Variants in DGKB observed in about 807,000 individuals in gnomAD.
The protein encoded by DGKB is diacylglycerol kinase beta.
In DGKB, 67 loss-of-function variants were observed where a neutral mutation model predicts 114.3. The observed-to-expected ratio is 0.59, with a 90% CI of 0.48 to 0.72. DGKB has a LOEUF of 0.72. Ranked by LOEUF, DGKB falls within the 30% of genes least tolerant of loss-of-function variation. The pLI is 0.00. For synonymous variants in DGKB, 398 were observed against 323.1 expected (o/e 1.23, Z -2.49); for missense variants, 907 against 975.2 (o/e 0.93, Z 0.93).
At chr7:14,754,371 C>T (rs1723223) in intron 3 of DGKB, among the ~76,000 whole-genome samples, 1 of 151,912 alleles carries the variant, frequency 6.6e-6, no homozygotes, top group Non-Finnish European at 1.5e-5. Flanking sequence ...AGAGGATTAA[C>T]AGAAATATAA....
At chr7:14,237,009 C>G (rs1299763557) in intron 23 of DGKB, among the ~76,000 whole-genome samples, 1 of 151,836 alleles carries the variant, frequency 6.6e-6, no homozygotes, top group Non-Finnish European at 1.5e-5. Context: ...TTAACCCTAG[C>G]AATCATTTTG....
intron 23 of DGKB, among the ~76,000 whole-genome samples, chr7:14,231,135 C>CTTTCTTTCTTTCTTTT (rs1562685243): frequency 1.3e-4 from 15 of 111,822 alleles, no homozygotes; most frequent in Non-Finnish European, 2.7e-4. Flanking sequence ...TTCTTTCTTT[C>CTTTCTTTCTTTCTTTT]TTTCTTTCTT....
chr7:14,748,212 A>T (rs577650117), intron 4 of DGKB, among the ~76,000 whole-genome samples: 2 of 152,200 alleles, frequency 1.3e-5, no homozygotes, highest in Admixed American at 1.3e-4. Flanking sequence ...GAACACACAA[A>T]ATTCCTTCCA....
chr7:14,556,648 T>C (rs1013840303), intron 20 of DGKB, among the ~76,000 whole-genome samples: 5 of 152,198 alleles, frequency 3.3e-5, no homozygotes, highest in Non-Finnish European at 7.3e-5. Context: ...AAACAAATAA[T>C]TGTAGTAATA....
chr7:14,360,592 T>A (rs1010777118), intron 21 of DGKB, among the ~76,000 whole-genome samples: 2 of 151,890 alleles, frequency 1.3e-5, no homozygotes, highest in African/African-American at 4.8e-5. Context: ...AGATTTCCCA[T>A]CCTGAATGAT....
intron 1 of DGKB, among the ~76,000 whole-genome samples, chr7:14,874,247 A>G (rs1852919448): frequency 6.6e-6 from 1 of 151,990 alleles, no homozygotes; most frequent in African/African-American, 2.4e-5. Context: ...TGCCTTTCTC[A>G]CTTTTCTTTA....
At chr7:14,962,742 G>T (rs577394305) in intron 1 of DGKB, among the ~76,000 whole-genome samples, 98 of 151,804 alleles carry the variant, frequency 6.5e-4, no homozygotes, top group African/African-American at 2.3e-3. Flanking sequence ...TTCTTACAAT[G>T]ATTTCAAGTG....
intron 17 of DGKB, among the ~76,000 whole-genome samples, chr7:14,606,678 G>C (rs1303207927): frequency 6.6e-6 from 1 of 151,472 alleles, no homozygotes; most frequent in Non-Finnish European, 1.5e-5. Flanking sequence ...CCCTCATGTT[G>C]ACAGAAAGAA....
chr7:14,258,544 C>T (rs1020013149), intron 23 of DGKB, among the ~76,000 whole-genome samples: 14 of 152,242 alleles, frequency 9.2e-5, no homozygotes, highest in South Asian at 4.1e-4. Flanking sequence ...AATCCAAGAA[C>T]ATTTAATCAG....
chr7:14,837,780 T>C (rs1366758162), intron 2 of DGKB, among the ~76,000 whole-genome samples: 1 of 152,322 alleles, frequency 6.6e-6, no homozygotes, highest in South Asian at 2.1e-4. Context: ...TTCAGGATGA[T>C]GTTTGTTTCC....
intron 1 of DGKB, among the ~76,000 whole-genome samples, chr7:14,858,636 G>C (rs184372108): frequency 6.6e-6 from 1 of 152,080 alleles, no homozygotes; most frequent in African/African-American, 2.4e-5. Flanking sequence ...GCAGAGCACC[G>C]TGAGGGATAT....
intron 20 of DGKB, among the ~76,000 whole-genome samples, chr7:14,534,569 A>G (rs1013542752): frequency 3.9e-5 from 6 of 152,108 alleles, no homozygotes; most frequent in Non-Finnish European, 8.8e-5. Context: ...GGACCCAACT[A>G]GATTCTCTCT....
chr7:14,878,931 C>T (rs1182488171), intron 1 of DGKB, among the ~76,000 whole-genome samples: 2 of 149,554 alleles, frequency 1.3e-5, no homozygotes, highest in Non-Finnish European at 2.9e-5. Flanking sequence ...GGCCATTCTA[C>T]TTCATATCAA....
intron 25 of DGKB, among the ~76,000 whole-genome samples, chr7:14,152,418 C>T (rs1258870736): frequency 6.6e-6 from 1 of 151,994 alleles, no homozygotes; most frequent in Non-Finnish European, 1.5e-5. Context: ...GGTGACGGGG[C>T]TCCTAGAAAC....
At chr7:14,511,186 C>A (rs1787927470) in intron 20 of DGKB, among the ~76,000 whole-genome samples, 1 of 152,172 alleles carries the variant, frequency 6.6e-6, no homozygotes, top group South Asian at 2.1e-4. Context: ...TTTTCTCTAG[C>A]CATGAAAGTC....
intron 22 of DGKB, among the ~76,000 whole-genome samples, chr7:14,344,902 G>C (rs960780061): frequency 6.6e-6 from 1 of 151,580 alleles, no homozygotes. Flanking sequence ...ATTCATAAAA[G>C]TAAGTACAAT....
intron 13 of DGKB, among the ~76,000 whole-genome samples, chr7:14,643,823 G>A (rs1048089095): frequency 6.6e-6 from 1 of 152,164 alleles, no homozygotes; most frequent in Non-Finnish European, 1.5e-5. Context: ...GCCCCAATGT[G>A]TGCCATCCAG....
intron 21 of DGKB, among the ~76,000 whole-genome samples, chr7:14,383,260 G>A (rs1192850620): frequency 1.3e-5 from 2 of 152,120 alleles, no homozygotes; most frequent in Non-Finnish European, 2.9e-5. Context: ...GGGGACTGAT[G>A]CCTGGTTATA....
intron 2 of DGKB, among the ~76,000 whole-genome samples, chr7:14,826,086 A>T (rs1845674861): frequency 6.6e-6 from 1 of 152,182 alleles, no homozygotes; most frequent in African/African-American, 2.4e-5. Context: ...GCTTGCACGA[A>T]GTAGCAGTGT....
Sources: gnomAD v4.1 joint callset for allele counts (sites outside exome capture counted in the v4.1 genomes callset) on GRCh38, gnomAD v4.1.1 for gene constraint, MANE v1.5 for transcripts, NCBI Gene and HGNC (gene_info 2026-07-23, HGNC 2026-07-21) for gene names.